MMP26: variants seen among roughly 807,000 people sequenced by gnomAD.
MMP26 encodes the protein matrix metallopeptidase 26, also known as matrix metalloproteinase-26.
MMP26 carries 33 observed loss-of-function variants against 31.0 expected under a neutral mutation model. The observed-to-expected ratio is 1.06, with a 90% CI of 0.81 to 1.42. MMP26 has a LOEUF of 1.42. Ranked by LOEUF, MMP26 falls within the 40% of genes most tolerant of loss-of-function variation. The pLI is 0.00. For missense variants in MMP26, 347 were observed against 316.1 expected (o/e 1.10, Z -0.74); for synonymous variants, 122 against 114.9 (o/e 1.06, Z -0.40).
At chr11:4,940,647 A>C (rs562575645) in intron 2 of MMP26, among the ~76,000 whole-genome samples, 7 of 152,300 alleles carry the variant, frequency 4.6e-5, no homozygotes, top group African/African-American at 1.4e-4. Flanking sequence ...GGCTGTTTGA[A>C]AGAATAACAC....
rs576266093 is a variant in MMP26 at position 4,854,693 on chromosome 11, T to C, written c.-145+87352T>C. Among the ~76,000 whole-genome samples, 3 of 152,278 alleles carry C rather than the reference T, an allele frequency of 2.0e-5. No homozygotes were observed. In the East Asian group the frequency reaches 5.8e-4, roughly 29 times the overall value. ...CTTCTGCAGACTTAAATGTCCCTGT[T>C]TGACAGCTTTGAAGAGAGTAGTGGT... On this transcript the variant is annotated intron_variant, in intron 2 of 7. Coordinates refer to ENST00000380390, the MANE Select transcript of MMP26 (RefSeq NM_021801.5).
At chr11:4,882,169 T>A (rs758974223) in intron 2 of MMP26, 11 of 1,613,968 alleles carry the variant, frequency 6.8e-6, no homozygotes, top group South Asian at 3.3e-5. Flanking sequence ...TCTGGTTTCA[T>A]GCCCGGGAGA....
At chr11:4,961,513 A>G (rs190646534) in intron 2 of MMP26, among the ~76,000 whole-genome samples, 10 of 152,344 alleles carry the variant, frequency 6.6e-5, no homozygotes, top group Admixed American at 5.9e-4. Context: ...GACACCTAAA[A>G]TTAAGTCCAC....
intron 2 of MMP26, among the ~76,000 whole-genome samples, chr11:4,799,153 T>C (rs548553973): frequency 6.6e-6 from 1 of 152,202 alleles, no homozygotes; most frequent in Non-Finnish European, 1.5e-5. Context: ...TGTTAGTCCA[T>C]TGTTTTGCTT....
intron 2 of MMP26, among the ~76,000 whole-genome samples, chr11:4,891,364 A>G (rs1412066616): frequency 1.3e-5 from 2 of 152,118 alleles, no homozygotes; most frequent in Admixed American, 6.6e-5. Flanking sequence ...GGGAGGTACC[A>G]TATACTTTTC....
At chr11:4,753,982 T>C (rs961796599) in intron 1 of MMP26, among the ~76,000 whole-genome samples, 3 of 152,172 alleles carry the variant, frequency 2.0e-5, no homozygotes, top group African/African-American at 4.8e-5. Flanking sequence ...TGTTCTCTTA[T>C]AGGATTACTC....
At chr11:4,960,378 T>C (rs1027534807) in intron 2 of MMP26, among the ~76,000 whole-genome samples, 1 of 151,972 alleles carries the variant, frequency 6.6e-6, no homozygotes, top group African/African-American at 2.4e-5. Flanking sequence ...AGAAAGGTCA[T>C]GATGCCCCAC....
At chr11:4,858,738 G>C (rs1297434494) in intron 2 of MMP26, among the ~76,000 whole-genome samples, 2 of 151,946 alleles carry the variant, frequency 1.3e-5, no homozygotes, top group Non-Finnish European at 2.9e-5. Flanking sequence ...AGTTCATATG[G>C]AACCAAAAAA....
intron 2 of MMP26, chr11:4,914,492 A>G: frequency 2.0e-6 from 1 of 498,244 alleles, no homozygotes; most frequent in Non-Finnish European, 3.6e-6. Context: ...GTTTAGAATT[A>G]TTGCTGTGGC....
intron 1 of MMP26, among the ~76,000 whole-genome samples, chr11:4,722,370 T>C (rs1208461154): frequency 1.3e-5 from 2 of 152,178 alleles, no homozygotes; most frequent in Non-Finnish European, 2.9e-5. Context: ...TCCTTGATCT[T>C]AATAGGTCTA....
At chr11:4,960,899 G>A (rs535347772) in intron 2 of MMP26, among the ~76,000 whole-genome samples, 1 of 151,998 alleles carries the variant, frequency 6.6e-6, no homozygotes, top group Non-Finnish European at 1.5e-5. Context: ...AATCACAGGG[G>A]TATAATAGTT....
intron 2 of MMP26, among the ~76,000 whole-genome samples, chr11:4,911,548 C>T (rs961022680): frequency 5.9e-5 from 9 of 152,152 alleles, no homozygotes; most frequent in African/African-American, 2.2e-4. Flanking sequence ...TACTTCGCTC[C>T]AGTCACACCG....
chr11:4,744,872 C>T (rs1335552875), intron 1 of MMP26, among the ~76,000 whole-genome samples: 1 of 152,084 alleles, frequency 6.6e-6, no homozygotes, highest in African/African-American at 2.4e-5. Flanking sequence ...ATTAACCTAT[C>T]TATGACCTTC....
chr11:4,915,474 T>C (rs1477626000), intron 2 of MMP26: 6 of 1,613,864 alleles, frequency 3.7e-6, no homozygotes, highest in Admixed American at 1.7e-5. Flanking sequence ...AAGAGATACA[T>C]AGGTTCATGA....
chr11:4,917,082 CT>C (rs1415867267), intron 2 of MMP26, among the ~76,000 whole-genome samples: 1 of 152,144 alleles, frequency 6.6e-6, no homozygotes, highest in Non-Finnish European at 1.5e-5. Context: ...AGGGTAGGGG[CT>C]TTTCTTTGTT....
chr11:4,991,253 C>T (rs1846997384), intron 5 of MMP26, 118 bp from the exon 6 acceptor site: 1 of 1,272,248 alleles, frequency 7.9e-7, no homozygotes. Context: ...AGCTCTCTCA[C>T]ATCCCCCAGT....
intron 2 of MMP26, among the ~76,000 whole-genome samples, chr11:4,771,919 A>T (rs889303260): frequency 2.0e-5 from 3 of 152,228 alleles, no homozygotes; most frequent in African/African-American, 7.2e-5. Flanking sequence ...ATTTGTGAAT[A>T]GGTAACAAAG....
At chr11:4,826,439 G>T (rs748481757) in intron 2 of MMP26, among the ~76,000 whole-genome samples, 3 of 152,128 alleles carry the variant, frequency 2.0e-5, no homozygotes, top group Non-Finnish European at 2.9e-5. Flanking sequence ...CTCAGCTTCA[G>T]TGCTGGCCTA....
At chr11:4,848,423 C>T (rs752318585) in intron 2 of MMP26, 10 of 1,613,694 alleles carry the variant, frequency 6.2e-6, no homozygotes, top group Non-Finnish European at 8.5e-7. Flanking sequence ...CCAGGAGGAT[C>T]ATAGGGATAT....
Sources: gnomAD v4.1 joint callset for allele counts (sites outside exome capture counted in the v4.1 genomes callset) on GRCh38, gnomAD v4.1.1 for gene constraint, MANE v1.5 for transcripts, NCBI Gene and HGNC (gene_info 2026-07-23, HGNC 2026-07-21) for gene names.